Variants in JMJD1C observed in about 807,000 individuals in gnomAD.
The protein encoded by JMJD1C is jumonji domain containing 1C.
JMJD1C carries 31 observed loss-of-function variants against 245.3 expected under a neutral mutation model. That is an observed-to-expected ratio of 0.13 (90% CI 0.09 to 0.17). The LOEUF is 0.17. JMJD1C is among the 10% of genes least tolerant of loss of function. JMJD1C has a pLI of 1.00. For missense variants in JMJD1C, 2,691 were observed against 3,000.2 expected (o/e 0.90, Z 2.41); for synonymous variants, 1,057 against 1,017.4 (o/e 1.04, Z -0.74).
At chr10:63,337,956 A>G (rs781201440) in intron 2 of JMJD1C, among the ~76,000 whole-genome samples, 4 of 152,248 alleles carry the variant, frequency 2.6e-5, no homozygotes, top group African/African-American at 9.6e-5. Flanking sequence ...TGTGGCAAGT[A>G]AAACTATAAG....
At chr10:63,288,837 C>A (rs928735430) in intron 2 of JMJD1C, among the ~76,000 whole-genome samples, 2 of 151,164 alleles carry the variant, frequency 1.3e-5, no homozygotes, top group African/African-American at 4.9e-5. Flanking sequence ...CAAGATCGCA[C>A]CACTGCATTC....
intron 2 of JMJD1C, among the ~76,000 whole-genome samples, chr10:63,350,873 C>T (rs768803866): frequency 3.9e-5 from 6 of 152,034 alleles, no homozygotes; most frequent in Non-Finnish European, 7.4e-5. Context: ...CCCACCTTGG[C>T]CTCCCAAAGT....
At chr10:63,448,846 G>A (rs568866947) in intron 1 of JMJD1C, among the ~76,000 whole-genome samples, 1 of 152,166 alleles carries the variant, frequency 6.6e-6, no homozygotes, top group Non-Finnish European at 1.5e-5. Context: ...GGTCGGGCGC[G>A]GTGGCTCACA....
chr10:63,292,485 C>A (rs1858897416), intron 2 of JMJD1C, among the ~76,000 whole-genome samples: 1 of 151,764 alleles, frequency 6.6e-6, no homozygotes, highest in Non-Finnish European at 1.5e-5. Context: ...GTGTTGCATG[C>A]CTATAGTCCT....
At chr10:63,511,604 G>A (rs1052638300) in intron 1 of JMJD1C, among the ~76,000 whole-genome samples, 9 of 152,090 alleles carry the variant, frequency 5.9e-5, no homozygotes, top group African/African-American at 1.2e-4. Context: ...CAGTGACTCC[G>A]GAGGCTGAGG....
intron 1 of JMJD1C, among the ~76,000 whole-genome samples, chr10:63,476,352 AC>A (rs1209646899): frequency 2.0e-5 from 3 of 152,054 alleles, no homozygotes; most frequent in South Asian, 4.1e-4. Context: ...TCAACCCTCC[AC>A]GCTAACACCT....
intron 2 of JMJD1C, among the ~76,000 whole-genome samples, chr10:63,298,824 C>T (rs1316071730): frequency 2.6e-5 from 4 of 152,162 alleles, no homozygotes; most frequent in Non-Finnish European, 5.9e-5. Flanking sequence ...CCTCCACCTC[C>T]CGGGTTCAAG....
intron 1 of JMJD1C, among the ~76,000 whole-genome samples, chr10:63,459,994 G>A (rs964641822): frequency 6.6e-6 from 1 of 152,120 alleles, no homozygotes; most frequent in African/African-American, 2.4e-5. Context: ...GTAGAAAAAT[G>A]GCTGCAGCAG....
At chr10:63,494,761 G>A (rs1730506789) in intron 1 of JMJD1C, among the ~76,000 whole-genome samples, 2 of 152,174 alleles carry the variant, frequency 1.3e-5, no homozygotes, top group South Asian at 2.1e-4. Flanking sequence ...CTAAAGAGAA[G>A]CAAAATGTAC....
chr10:63,500,138 A>AAGGCC (rs1954499106), intron 1 of JMJD1C, among the ~76,000 whole-genome samples: 1 of 152,210 alleles, frequency 6.6e-6, no homozygotes, highest in South Asian at 2.1e-4. Context: ...GTTTAACTGT[A>AAGGCC]AGGCCAGGCA....
Position 63,208,731 on chromosome 10 carries a change from C to A in JMJD1C, c.2938G>T (p.Asp980Tyr), listed in dbSNP as rs1052446693. 6.2e-7 allele frequency: 1 copy of A among 1,613,384 alleles called. No individual in the cohort carries two copies. Among genetic ancestry groups the A allele is most frequent in the South Asian group, 1.1e-5 (1 of 90,988 alleles). Reference sequence around the variant, plus strand: ...TTTCCAGTCTGTGACCTATTTAGATCCAGGTCATTTTTGGCTGATGTGGAT... The same window carrying A: ...TTTCCAGTCTGTGACCTATTTAGATACAGGTCATTTTTGGCTGATGTGGAT... ...VASTSAKNDL[D>Y]LNRSQTGKDC... is the part of the protein sequence containing the mutation. Residue 980 changes from aspartate to tyrosine, a missense_variant, in exon 10 of 26, where the codon GAT becomes TAT. Physicochemically the swap from Asp to Tyr is radical, Grantham distance 160. This residue lies in a region of JMJD1C where 1,562 missense variants were observed against 1,490.7 expected (regional missense o/e 1.05). Coordinates refer to ENST00000399262, the MANE Select transcript of JMJD1C (RefSeq NM_032776.3).
intron 17 of JMJD1C, among the ~76,000 whole-genome samples, chr10:63,189,930 G>A (rs1030209942): frequency 9.6e-5 from 14 of 145,974 alleles, no homozygotes; most frequent in African/African-American, 2.8e-4. Flanking sequence ...TCACTCTGTT[G>A]CCCAGGCTAG....
At chr10:63,291,494 A>G (rs1230330451) in intron 2 of JMJD1C, among the ~76,000 whole-genome samples, 2 of 151,124 alleles carry the variant, frequency 1.3e-5, no homozygotes, top group Non-Finnish European at 2.9e-5. Context: ...AGGCGACTGT[A>G]ATCCCAGCTA....
intron 13 of JMJD1C, among the ~76,000 whole-genome samples, chr10:63,196,266 A>AG (rs897064979): frequency 6.6e-6 from 1 of 152,132 alleles, no homozygotes; most frequent in Non-Finnish European, 1.5e-5. Flanking sequence ...CAAAAAAAAA[A>AG]GAAAAAGAAA....
chr10:63,465,408 G>C (rs1188767203), intron 1 of JMJD1C, 87 bp downstream of exon 1: 1 of 1,330,272 alleles, frequency 7.5e-7, no homozygotes, highest in Non-Finnish European at 1.0e-6. Flanking sequence ...CGGGCTGAGC[G>C]AGGCGCCAGA....
chr10:63,369,145 T>C (rs1165188408), intron 2 of JMJD1C, among the ~76,000 whole-genome samples: 1 of 151,862 alleles, frequency 6.6e-6, no homozygotes, highest in Non-Finnish European at 1.5e-5. Flanking sequence ...TTCTTTCTCT[T>C]TCTCTCTCTC....
chr10:63,170,522 G>A (rs1431534810), intron 24 of JMJD1C, among the ~76,000 whole-genome samples: 6 of 152,200 alleles, frequency 3.9e-5, no homozygotes, highest in African/African-American at 1.4e-4. Flanking sequence ...TATCTCACTG[G>A]TCAGCCAGTT....
chr10:63,435,951 A>G (rs1484150631), intron 1 of JMJD1C, among the ~76,000 whole-genome samples: 1 of 152,190 alleles, frequency 6.6e-6, no homozygotes, highest in Non-Finnish European at 1.5e-5. Flanking sequence ...CCCTCTCTAA[A>G]TAAATACCCA....
At chr10:63,217,368 G>A in intron 4 of JMJD1C, 37 bp from the exon 5 acceptor site, 1 of 1,498,390 alleles carries the variant, frequency 6.7e-7, no homozygotes. Context: ...CATCTTAAAT[G>A]GAGACATCTT....
Sources: allele counts gnomAD v4.1 joint callset (sites outside exome capture counted in the v4.1 genomes callset), GRCh38; gene constraint gnomAD v4.1.1; regional missense constraint gnomAD v4.1.1; transcripts MANE v1.5; gene names NCBI Gene and HGNC (gene_info 2026-07-23, HGNC 2026-07-21).